SGCD: variants seen among roughly 807,000 people sequenced by gnomAD.
SGCD encodes delta-sarcoglycan.
SGCD carries 18 observed loss-of-function variants against 36.6 expected under a neutral mutation model. That is an observed-to-expected ratio of 0.49 (90% CI 0.34 to 0.73). The LOEUF (loss-of-function observed/expected upper bound fraction) is 0.73, where lower values mean the gene tolerates loss of function less well. Among genes scored for constraint, SGCD ranks in the 30% least tolerant of loss-of-function variants. The probability of loss-of-function intolerance (pLI) is 0.01; values close to 1 mark genes in which losing one functional copy is unlikely to be tolerated. For synonymous variants in SGCD, 133 were observed against 130.6 expected (o/e 1.02, Z -0.12); for missense variants, 387 against 346.7 (o/e 1.12, Z -0.92).
intron 4 of SGCD, among the ~76,000 whole-genome samples, chr5:156,520,819 G>T (rs1287539702): frequency 1.3e-5 from 2 of 151,704 alleles, no homozygotes; most frequent in Non-Finnish European, 2.9e-5. Context: ...AGATAGAGAT[G>T]GTCCTGGCTA....
intron 6 of SGCD, among the ~76,000 whole-genome samples, chr5:156,621,934 A>C (rs2113500907): frequency 6.6e-6 from 1 of 152,284 alleles, no homozygotes; most frequent in African/African-American, 2.4e-5. Context: ...TTCATGTATG[A>C]GAAAACTGAC....
At chr5:156,332,664 G>A (rs1768125916) in intron 2 of SGCD, among the ~76,000 whole-genome samples, 1 of 152,208 alleles carries the variant, frequency 6.6e-6, no homozygotes, top group African/African-American at 2.4e-5. Flanking sequence ...CTAAGTCTCT[G>A]TTGAGCAGAG....
At chr5:156,152,749 A>G (rs1181796911) in intron 3 of SGCD, among the ~76,000 whole-genome samples, 3 of 151,694 alleles carry the variant, frequency 2.0e-5, no homozygotes, top group Non-Finnish European at 4.4e-5. Context: ...TGTGGCTCAC[A>G]TTATATTTCC....
chr5:156,653,493 C>CTTTTTTTTTTGTTTTTT lies in SGCD; in HGVS notation c.575+5967_575+5968insGTTTTTTTTTTTTTTTT, dbSNP rs1763546835. 4.2e-5 allele frequency among the ~76,000 whole-genome samples: 2 copies of CTTTTTTTTTTGTTTTTT among 48,082 alleles called. 1 individual carries two copies. Among genetic ancestry groups the CTTTTTTTTTTGTTTTTT allele is most frequent in the Non-Finnish European group, 8.0e-5 (2 of 24,960 alleles). 31.5% of individuals were successfully genotyped at this position (48,082 alleles called of 152,430 possible). On this transcript the variant is annotated intron_variant, in intron 7 of 8. Transcript: ENST00000337851. The stretch of plus-strand genomic sequence containing the variant: ...TTTTCTTACGTAATTCTAAAGCTTG[C>CTTTTTTTTTTGTTTTTT]TTTTTTTTTTTTTTTGCCCCTGTTG...
At chr5:155,904,445 A>G (rs1183065622) in intron 1 of SGCD, among the ~76,000 whole-genome samples, 2 of 152,230 alleles carry the variant, frequency 1.3e-5, no homozygotes, top group African/African-American at 4.8e-5. Flanking sequence ...CCATCACCAC[A>G]ATAACTTCCT....
intron 3 of SGCD, among the ~76,000 whole-genome samples, chr5:156,209,995 C>G (rs1183033516): frequency 6.6e-6 from 1 of 152,194 alleles, no homozygotes; most frequent in East Asian, 1.9e-4. Context: ...AAGGCCACCT[C>G]CAGTATCAGG....
chr5:155,807,200 G>A, the SGCD span, among the ~76,000 whole-genome samples: 1 of 152,178 alleles, frequency 6.6e-6, no homozygotes, highest in Admixed American at 6.5e-5. Context: ...TTGCCTACTA[G>A]TTCTCGTGGT....
intron 3 of SGCD, among the ~76,000 whole-genome samples, chr5:156,194,225 A>G (rs1308148250): frequency 2.4e-4 from 37 of 152,092 alleles, no homozygotes; most frequent in Non-Finnish European, 1.5e-5. Flanking sequence ...CAAAAAATAC[A>G]AAAATTAGCT....
chr5:156,087,622 A>G (rs1041950258), intron 1 of SGCD, among the ~76,000 whole-genome samples: 3 of 147,998 alleles, frequency 2.0e-5, no homozygotes, highest in Non-Finnish European at 4.5e-5. Flanking sequence ...CCTGGGTGAC[A>G]AGAGTGAAAC....
chr5:156,065,467 C>T (rs1760320656), intron 1 of SGCD, among the ~76,000 whole-genome samples: 1 of 112,076 alleles, frequency 8.9e-6, no homozygotes, highest in African/African-American at 4.2e-5. Flanking sequence ...TGGTGCAGAG[C>T]TGAGTTCAAT....
chr5:155,888,431 G>C (rs1756053645), intron 1 of SGCD, among the ~76,000 whole-genome samples: 1 of 152,008 alleles, frequency 6.6e-6, no homozygotes, highest in Admixed American at 6.6e-5. Flanking sequence ...CAAAAGACAG[G>C]GTAACAAAAG....
chr5:156,482,747 C>T lies in SGCD; in HGVS notation c.193-25854C>T, dbSNP rs114128491. Among the ~76,000 whole-genome samples the T allele has an allele frequency of 9.0e-3, 1,307 of 146,016 alleles. 10 individuals are homozygous for T. The highest frequency in any genetic ancestry group is 0.031 in the African/African-American group (1,218 of 39,772). ...ACACTTTTCAAGACACTTATGTGAA[C>T]ATTATCAATTTCTATCCTCCCTACA... is the stretch of plus-strand genomic sequence containing the variant. On this transcript the variant is annotated intron_variant, in intron 3 of 8. Coordinates refer to ENST00000337851, the MANE Select transcript of SGCD (RefSeq NM_000337.6).
chr5:156,671,536 A>C (rs557533018), intron 7 of SGCD, among the ~76,000 whole-genome samples: 1 of 152,212 alleles, frequency 6.6e-6, no homozygotes, highest in South Asian at 2.1e-4. Flanking sequence ...GGCCTCCCAA[A>C]GTGCTGGGAT....
the SGCD span, among the ~76,000 whole-genome samples, chr5:155,780,840 C>T: frequency 3.9e-5 from 6 of 152,150 alleles, no homozygotes; most frequent in Admixed American, 3.3e-4. Flanking sequence ...CCCCAAAGGA[C>T]TCTGAGAAAT....
the SGCD span, among the ~76,000 whole-genome samples, chr5:155,862,665 C>G: frequency 6.6e-6 from 1 of 152,132 alleles, no homozygotes; most frequent in Non-Finnish European, 1.5e-5. Context: ...TTGAATGCAG[C>G]CTTGCTGTTC....
intron 3 of SGCD, among the ~76,000 whole-genome samples, chr5:156,260,046 C>G (rs1253365288): frequency 6.6e-6 from 1 of 152,130 alleles, no homozygotes; most frequent in East Asian, 1.9e-4. Context: ...TTTGCTGTAG[C>G]AACAGAAAAA....
intron 4 of SGCD, among the ~76,000 whole-genome samples, chr5:156,559,336 G>C (rs538030161): frequency 6.6e-6 from 1 of 152,248 alleles, no homozygotes; most frequent in Non-Finnish European, 1.5e-5. Context: ...TTCAGACTGT[G>C]ACCACACCAG....
chr5:156,602,362 T>A (rs1761232611), intron 6 of SGCD, among the ~76,000 whole-genome samples: 1 of 151,960 alleles, frequency 6.6e-6, no homozygotes, highest in Non-Finnish European at 1.5e-5. Context: ...TTTGGTGGAA[T>A]CTTTAGGGTT....
At chr5:155,995,799 A>T (rs1758529031) in intron 1 of SGCD, among the ~76,000 whole-genome samples, 2 of 149,248 alleles carry the variant, frequency 1.3e-5, no homozygotes, top group Non-Finnish European at 3.0e-5. Context: ...ACCAATGGTT[A>T]AAAAAAAAAT....
Sources: allele counts gnomAD v4.1 joint callset (sites outside exome capture counted in the v4.1 genomes callset), GRCh38; gene constraint gnomAD v4.1.1; transcripts MANE v1.5; gene names NCBI Gene and HGNC (gene_info 2026-07-23, HGNC 2026-07-21).